SUMF1: variants seen among roughly 807,000 people sequenced by gnomAD.
The protein encoded by SUMF1 is formylglycine-generating enzyme.
SUMF1 carries 48 observed loss-of-function variants against 47.6 expected under a neutral mutation model. The ratio of observed to expected loss-of-function variants is 1.01; its 90% CI spans 0.80 to 1.28. The LOEUF (loss-of-function observed/expected upper bound fraction) is 1.28. SUMF1 is among the 50% of genes most tolerant of loss of function. The probability of loss-of-function intolerance (pLI) is 0.00; values close to 1 mark genes in which losing one functional copy is unlikely to be tolerated. For missense variants in SUMF1, 571 were observed against 485.4 expected, an observed-to-expected ratio of 1.18 and a Z score of -1.66; for synonymous variants, 230 against 192.1, an observed-to-expected ratio of 1.20 and a Z score of -1.63.
chr3:4,176,436 C>T (rs2125129196), intron 8 of SUMF1, among the ~76,000 whole-genome samples: 1 of 152,198 alleles, frequency 6.6e-6, no homozygotes, highest in Non-Finnish European at 1.5e-5. Context: ...TCCAGCTATA[C>T]TAAGCTTCAT....
chr3:4,134,918 T>C (rs1019457600), intron 8 of SUMF1, among the ~76,000 whole-genome samples: 3 of 152,020 alleles, frequency 2.0e-5, no homozygotes, highest in African/African-American at 4.8e-5. Flanking sequence ...CAAGACTAAA[T>C]CAGGACGAAG....
chr3:4,226,217 A>C (rs1448144084), intron 8 of SUMF1, among the ~76,000 whole-genome samples: 1 of 151,336 alleles, frequency 6.6e-6, no homozygotes, highest in African/African-American at 2.4e-5. Context: ...AGGGCCTTAT[A>C]ACTGTTAGCT....
chr3:4,272,743 C>T (rs767059742), intron 8 of SUMF1, among the ~76,000 whole-genome samples: 13 of 152,070 alleles, frequency 8.5e-5, no homozygotes, highest in African/African-American at 2.7e-4. Context: ...GATGCAGCCA[C>T]GGTGGAAAGC....
intron 8 of SUMF1, among the ~76,000 whole-genome samples, chr3:4,285,506 A>G (rs1282002954): frequency 1.3e-5 from 2 of 152,212 alleles, no homozygotes; most frequent in African/African-American, 4.8e-5. Context: ...GGTTATTCCT[A>G]AACTTTGACA....
At chr3:4,202,016 G>T (rs553141890) in intron 8 of SUMF1, among the ~76,000 whole-genome samples, 8 of 151,924 alleles carry the variant, frequency 5.3e-5, no homozygotes, top group Non-Finnish European at 1.2e-4. Flanking sequence ...TTGCTTGTCA[G>T]ATGGATAGTT....
chr3:4,347,211 C>T (rs1181254386), intron 8 of SUMF1, among the ~76,000 whole-genome samples: 1 of 152,186 alleles, frequency 6.6e-6, no homozygotes, highest in African/African-American at 2.4e-5. Flanking sequence ...GATACCAAAA[C>T]CGGGAAGAGA....
rs78514232 is a variant in SUMF1 at position 4,457,814 on chromosome 3, C to T, written c.271-4765G>A. Reference sequence around the variant, plus strand: ...TAGAAGAAAACATTGGGAAAAGAAGCTCCATGACACAGGCCTGGCAAAGAT... The same window carrying T: ...TAGAAGAAAACATTGGGAAAAGAAGTTCCATGACACAGGCCTGGCAAAGAT... On this transcript the variant is annotated intron_variant, in intron 1 of 8. Coordinates refer to ENST00000272902, the MANE Select transcript of SUMF1 (RefSeq NM_182760.4). Among the ~76,000 whole-genome samples, 10 of 152,286 alleles carry T rather than the reference C, an allele frequency of 6.6e-5. No homozygotes were observed. The East Asian group carries it at 1.9e-3, about 29-fold the overall frequency.
Position 4,361,913 on chromosome 3 carries a change from T to C in SUMF1, c.*231A>G. On this transcript the variant is annotated 3_prime_UTR_variant, in exon 9 of 9. Coordinates refer to ENST00000272902, the MANE Select transcript of SUMF1 (RefSeq NM_182760.4). ...CACTCCCCTTCCTCTTTAAAGACTC[T>C]CAAAAGTAAAATATGGTGATGATCT... The C allele has an allele frequency of 1.9e-6, 1 of 530,854 alleles. No homozygotes were observed. 32.9% of individuals were successfully genotyped at this position (530,854 alleles called of 1,614,324 possible). A position where few individuals can be genotyped will look rare whatever the true frequency, so the allele number is the denominator to read the frequency against.
At chr3:4,191,973 G>C (rs1695324563) in intron 8 of SUMF1, among the ~76,000 whole-genome samples, 1 of 152,078 alleles carries the variant, frequency 6.6e-6, no homozygotes. Flanking sequence ...CATCAGAGAA[G>C]GCTTCAGAGA....
rs557112564 is a variant in SUMF1, at chr3:4,394,810, T to C, written c.954+16055A>G. On this transcript the variant is annotated intron_variant, in intron 7 of 8. Transcript: ENST00000272902. ...TCTGGGTCCTGGGCAGGTCTGTATT[T>C]AGCTCTGTGATGAAGAGCACTAGCT... 9.8e-5 allele frequency among the ~76,000 whole-genome samples: 15 copies of C among 152,342 alleles called. No individual in the cohort carries two copies. The South Asian group carries it at 2.1e-3, about 21-fold the overall frequency.
intron 8 of SUMF1, among the ~76,000 whole-genome samples, chr3:4,074,235 GACTACTGGAT>G (rs1212564567): frequency 2.0e-5 from 3 of 152,086 alleles, no homozygotes; most frequent in African/African-American, 7.2e-5. Flanking sequence ...GCTCCTCAAT[GACTACTGGAT>G]AAATAACAAA....
intron 1 of SUMF1, among the ~76,000 whole-genome samples, chr3:4,454,646 T>C (rs1292801883): frequency 1.3e-5 from 2 of 152,236 alleles, no homozygotes; most frequent in Non-Finnish European, 2.9e-5. Context: ...AGCAGCATTA[T>C]TCATAATAGC....
intron 8 of SUMF1, among the ~76,000 whole-genome samples, chr3:4,227,050 G>A (rs1050076042): frequency 2.6e-5 from 4 of 151,990 alleles, no homozygotes; most frequent in Non-Finnish European, 5.9e-5. Flanking sequence ...GGTCCTGCTG[G>A]TACAGACACT....
chr3:4,113,988 A>G (rs941458398), intron 8 of SUMF1, among the ~76,000 whole-genome samples: 1 of 152,120 alleles, frequency 6.6e-6, no homozygotes, highest in Admixed American at 6.5e-5. Flanking sequence ...ACTTCTCTAC[A>G]AGCTGATTTT....
At chr3:4,306,274 C>T (rs970065235) in intron 8 of SUMF1, among the ~76,000 whole-genome samples, 5 of 151,970 alleles carry the variant, frequency 3.3e-5, no homozygotes, top group East Asian at 3.8e-4. Flanking sequence ...TCACTTTAAG[C>T]GTTAAATTAT....
intron 8 of SUMF1, 69 bp downstream of exon 8, chr3:4,376,261 C>A (rs1335723261): frequency 7.0e-6 from 11 of 1,567,360 alleles, no homozygotes; most frequent in Non-Finnish European, 9.7e-6. Context: ...TTGGGGCTAT[C>A]ATTTACAATG....
At position 4,407,085 on chromosome 3, in the gene SUMF1, G is replaced by GACAC. The variant is rs113556805; in HGVS notation, c.954+3776_954+3779dup. 9.4e-3 allele frequency among the ~76,000 whole-genome samples: 1,399 copies of GACAC among 148,642 alleles called. 13 individuals are homozygous for GACAC. The highest frequency in any genetic ancestry group is 0.032 in the African/African-American group (1,272 of 40,298). Reference sequence around the variant, plus strand: ...GCACCTCCACAGGACACACACATGGGACACACACACACACACACACACACA... The same window carrying GACAC: ...GCACCTCCACAGGACACACACATGGGACACACACACACACACACACACACACACA... On this transcript the variant is annotated intron_variant, in intron 7 of 8. Coordinates refer to ENST00000272902, the MANE Select transcript of SUMF1 (RefSeq NM_182760.4).
intron 8 of SUMF1, among the ~76,000 whole-genome samples, chr3:4,330,873 A>C (rs919187632): frequency 1.5e-4 from 23 of 152,328 alleles, no homozygotes; most frequent in African/African-American, 5.5e-4. Flanking sequence ...TTGATCACAA[A>C]GTAAGATTTC....
intron 8 of SUMF1, among the ~76,000 whole-genome samples, chr3:4,269,758 T>A (rs1279729183): frequency 1.3e-5 from 2 of 152,192 alleles, no homozygotes; most frequent in Non-Finnish European, 2.9e-5. Context: ...CAATGGCACT[T>A]CCATTCAACT....
Sources: allele counts gnomAD v4.1 joint callset (sites outside exome capture counted in the v4.1 genomes callset), GRCh38; gene constraint gnomAD v4.1.1; transcripts MANE v1.5; gene names NCBI Gene and HGNC (gene_info 2026-07-23, HGNC 2026-07-21).